The following MERTK variants were observed in gnomAD, a reference collection of about 807,000 sequenced individuals.
The protein encoded by MERTK is tyrosine-protein kinase Mer.
MERTK carries 69 observed loss-of-function variants against 99.3 expected under a neutral mutation model. That is an observed-to-expected ratio of 0.70 (90% CI 0.57 to 0.85). The LOEUF (loss-of-function observed/expected upper bound fraction) is 0.85, where lower values mean the gene tolerates loss of function less well. Among genes scored for constraint, MERTK ranks in the 40% least tolerant of loss-of-function variants. The pLI, the probability that MERTK is intolerant of heterozygous loss-of-function variation, is 0.00. For missense variants in MERTK, 1,125 were observed against 1,249.4 expected, an observed-to-expected ratio of 0.90 and a Z score of 1.50; for synonymous variants, 426 against 467.6, an observed-to-expected ratio of 0.91 and a Z score of 1.15.
intron 1 of MERTK, among the ~76,000 whole-genome samples, chr2:111,908,770 G>A (rs1020077027): frequency 2.6e-5 from 4 of 152,150 alleles, no homozygotes; most frequent in African/African-American, 9.7e-5. Flanking sequence ...TATAGTGTAT[G>A]CTTTTAGAAC....
At chr2:111,939,654 A>ATTTTT (rs1184269274) in intron 2 of MERTK, among the ~76,000 whole-genome samples, 15 of 88,262 alleles carry the variant, frequency 1.7e-4, no homozygotes, top group African/African-American at 2.3e-4. Context: ...CTAATTTTTA[A>ATTTTT]TTTTTTTTTT....
chr2:111,899,455 A>G (rs1684000146), intron 1 of MERTK, among the ~76,000 whole-genome samples: 1 of 152,188 alleles, frequency 6.6e-6, no homozygotes, highest in African/African-American at 2.4e-5. Context: ...TTATGGCAGA[A>G]CAGAACTTAC....
intron 2 of MERTK, among the ~76,000 whole-genome samples, chr2:111,941,321 G>C (rs1051257943): frequency 2.3e-4 from 35 of 152,110 alleles, no homozygotes; most frequent in Admixed American, 2.3e-3. Context: ...AAGCTTTTGG[G>C]ATCTTCACCT....
chr2:111,938,026 C>T (rs561129849), intron 2 of MERTK, among the ~76,000 whole-genome samples: 1 of 152,246 alleles, frequency 6.6e-6, no homozygotes, highest in Non-Finnish European at 1.5e-5. Context: ...CATCCATCTC[C>T]AGAACTCCAG....
chr2:111,907,384 A>G (rs533199259), intron 1 of MERTK, among the ~76,000 whole-genome samples: 15 of 152,350 alleles, frequency 9.8e-5, no homozygotes, highest in Non-Finnish European at 1.5e-4. Flanking sequence ...ACTGCACTCC[A>G]GCCTGGGCAA....
At chr2:111,942,313 C>T (rs377712707) in intron 2 of MERTK, among the ~76,000 whole-genome samples, 4 of 151,816 alleles carry the variant, frequency 2.6e-5, no homozygotes, top group African/African-American at 7.3e-5. Context: ...TCTTCAGTAG[C>T]CTTGGTTTCC....
At chr2:111,901,369 A>G (rs1684039630) in intron 1 of MERTK, among the ~76,000 whole-genome samples, 1 of 152,094 alleles carries the variant, frequency 6.6e-6, no homozygotes, top group Non-Finnish European at 1.5e-5. Context: ...ATATTGTAAC[A>G]TGTATTCCAG....
chr2:111,965,412 C>T, intron 5 of MERTK, 135 bp downstream of exon 5: 2 of 808,482 alleles, frequency 2.5e-6, no homozygotes, highest in Non-Finnish European at 2.1e-6. Context: ...TTGGACAACT[C>T]ACTTCTCCTC....
chr2:112,023,487 A>T (rs1233636473), intron 18 of MERTK, among the ~76,000 whole-genome samples: 3 of 152,132 alleles, frequency 2.0e-5, no homozygotes, highest in African/African-American at 7.2e-5. Context: ...CAGGAGAAAG[A>T]ACTACCAGCT....
intron 3 of MERTK, among the ~76,000 whole-genome samples, chr2:111,947,002 C>T (rs954796972): frequency 5.3e-5 from 8 of 152,258 alleles, no homozygotes; most frequent in African/African-American, 1.9e-4. Flanking sequence ...AGGCTGGGCG[C>T]GGTGGCACGC....
intron 15 of MERTK, among the ~76,000 whole-genome samples, chr2:112,017,128 A>G (rs1440418461): frequency 6.6e-6 from 1 of 152,196 alleles, no homozygotes; most frequent in Non-Finnish European, 1.5e-5. Context: ...CCCCACCCAC[A>G]TCCTGCTGAT....
rs1294128804 is a variant in MERTK at position 112,008,376 on chromosome 2, C to T, written c.1868-7C>T. 1 of 1,608,948 alleles carries T rather than the reference C, an allele frequency of 6.2e-7. No individual in the cohort carries two copies. The highest frequency in any genetic ancestry group is 1.1e-5 in the South Asian group (1 of 90,978). ...CCATACTTAACCTTTTCTATTTTCTCCTCTAGTGGACAACTCTTCACAGCG... is the reference window on the plus strand; with the variant it reads ...CCATACTTAACCTTTTCTATTTTCTTCTCTAGTGGACAACTCTTCACAGCG... On this transcript the variant is annotated splice_polypyrimidine_tract_variant and splice_region_variant and intron_variant, in intron 13 of 18. Transcript: ENST00000295408.
intron 2 of MERTK, among the ~76,000 whole-genome samples, chr2:111,936,788 A>G (rs1312639798): frequency 5.9e-5 from 9 of 152,168 alleles, no homozygotes; most frequent in African/African-American, 1.9e-4. Flanking sequence ...CCGTTTGTCC[A>G]GGTTCCAGGA....
Position 111,991,948 on chromosome 2 carries a change from G to A in MERTK, c.1297-2303G>A, listed in dbSNP as rs1250372385. Among the ~76,000 whole-genome samples the A allele has an allele frequency of 2.0e-5, 3 of 152,122 alleles. No homozygotes were observed. In the East Asian group the frequency reaches 5.8e-4, roughly 30 times the overall value. On this transcript the variant is annotated intron_variant, in intron 8 of 18. Transcript: ENST00000295408. Reference sequence around the variant, plus strand: ...AGACGGTCTTTCGCTATAATGTTTGGGCACTTTAGGCCTCAGAAAACAGAA... The same window carrying A: ...AGACGGTCTTTCGCTATAATGTTTGAGCACTTTAGGCCTCAGAAAACAGAA...
At chr2:112,000,669 T>A (rs570337051) in intron 10 of MERTK, among the ~76,000 whole-genome samples, 1 of 152,358 alleles carries the variant, frequency 6.6e-6, no homozygotes, top group South Asian at 2.1e-4. Flanking sequence ...ATCACCTGGC[T>A]GAAGTAGTAT....
At chr2:112,015,431 T>A (rs1677198071) in intron 15 of MERTK, among the ~76,000 whole-genome samples, 1 of 152,230 alleles carries the variant, frequency 6.6e-6, no homozygotes, top group Non-Finnish European at 1.5e-5. Flanking sequence ...GAATGACTAA[T>A]GATGTTGAGC....
chr2:111,971,234 C>G (rs4434006), intron 6 of MERTK, among the ~76,000 whole-genome samples: 36,168 of 151,936 alleles, frequency 0.24, 4,650 homozygotes, highest in South Asian at 0.32. Context: ...AGCTAAAAAT[C>G]TGTCAATCTT....
rs1232658911 is a variant in MERTK, at chr2:112,001,207, A to C, written c.1611A>C (p.Ala537=). ...KRVQETKFGN[A]FTEEDSELVV... ...TTTGTTTTCATTCACCCAGGAATGC[A>C]TTCACAGAGGAGGATTCTGAATTAG... Residue 537 remains alanine, a synonymous_variant, in exon 11 of 19, where the codon GCA becomes GCC. Coordinates refer to ENST00000295408, the MANE Select transcript of MERTK (RefSeq NM_006343.3). 4 of 1,612,300 alleles carry C rather than the reference A, an allele frequency of 2.5e-6. No individual in the cohort carries two copies. In the African/African-American group the frequency reaches 5.3e-5, roughly 22 times the overall value.
rs540203362 is a variant in MERTK at position 111,963,278 on chromosome 2, AC to A, written c.758-1912del. 4.5e-4 allele frequency among the ~76,000 whole-genome samples: 69 copies of A among 152,338 alleles called. 2 individuals are homozygous for A. Among genetic ancestry groups the A allele is most frequent in the Admixed American group, 4.1e-3 (63 of 15,302 alleles). On this transcript the variant is annotated intron_variant, in intron 4 of 18. Transcript: ENST00000295408. Reference sequence around the variant, plus strand: ...GATGGAACATACAATGGGGTTTTATACGGAGACATTCCATTGCCCAGGGATG... The same window carrying A: ...GATGGAACATACAATGGGGTTTTATAGGAGACATTCCATTGCCCAGGGATG...
Sources: allele counts gnomAD v4.1 joint callset (sites outside exome capture counted in the v4.1 genomes callset), GRCh38; gene constraint gnomAD v4.1.1; transcripts MANE v1.5; gene names NCBI Gene and HGNC (gene_info 2026-07-23, HGNC 2026-07-21).